The following OR51B5 variants were observed in gnomAD, a reference collection of about 807,000 sequenced individuals.
The protein encoded by OR51B5 is olfactory receptor family 51 subfamily B member 5, also known as olfactory receptor 51B5.
For missense variants in OR51B5, 456 were observed against 374.6 expected, an observed-to-expected ratio of 1.22 and a Z score of -1.79; for synonymous variants, 186 against 144.8, an observed-to-expected ratio of 1.28 and a Z score of -2.04.
intron 1 of OR51B5, among the ~76,000 whole-genome samples, chr11:5,401,528 C>T (rs189154015): frequency 3.7e-4 from 56 of 152,314 alleles, no homozygotes; most frequent in Non-Finnish European, 7.2e-4. Flanking sequence ...CTGGCCACTG[C>T]CACTATCTCA....
chr11:5,498,048 T>C (rs968321633), intron 1 of OR51B5, among the ~76,000 whole-genome samples: 4 of 152,202 alleles, frequency 2.6e-5, no homozygotes, highest in African/African-American at 9.7e-5. Flanking sequence ...CATTATGTTT[T>C]GGGTTTTAAA....
intron 1 of OR51B5, among the ~76,000 whole-genome samples, chr11:5,415,203 A>G (rs1184722514): frequency 2.6e-5 from 4 of 151,996 alleles, no homozygotes; most frequent in East Asian, 1.9e-4. Flanking sequence ...TGAAGGCAGA[A>G]ATAAAGATTT....
chr11:5,463,820 A>G (rs954008026), intron 1 of OR51B5, among the ~76,000 whole-genome samples: 3 of 152,202 alleles, frequency 2.0e-5, no homozygotes, highest in Non-Finnish European at 4.4e-5. Context: ...GGATATGTCA[A>G]CATATCCTGA....
chr11:5,424,313 T>C (rs1850407614), intron 1 of OR51B5, among the ~76,000 whole-genome samples: 1 of 152,052 alleles, frequency 6.6e-6, no homozygotes, highest in South Asian at 2.1e-4. Flanking sequence ...AAATGAAAGT[T>C]ATTCGGGGAA....
intron 1 of OR51B5, among the ~76,000 whole-genome samples, chr11:5,396,321 C>A (rs184615515): frequency 2.6e-5 from 4 of 152,298 alleles, no homozygotes; most frequent in Admixed American, 2.6e-4. Context: ...CTAGAAAACC[C>A]CATTGTCTCA....
intron 1 of OR51B5, among the ~76,000 whole-genome samples, chr11:5,375,265 T>C (rs1849506880): frequency 6.6e-6 from 1 of 150,650 alleles, no homozygotes; most frequent in Non-Finnish European, 1.5e-5. Flanking sequence ...ATAAAATACT[T>C]TACAGACAAG....
intron 1 of OR51B5, among the ~76,000 whole-genome samples, chr11:5,500,087 A>C (rs1050544023): frequency 3.3e-5 from 5 of 152,202 alleles, no homozygotes; most frequent in African/African-American, 4.8e-5. Flanking sequence ...CATTTTGCAA[A>C]GGACACAGTG....
At chr11:5,490,388 A>C (rs940969281) in intron 1 of OR51B5, among the ~76,000 whole-genome samples, 18 of 152,216 alleles carry the variant, frequency 1.2e-4, no homozygotes, top group African/African-American at 3.9e-4. Context: ...CAATTCTATA[A>C]TATTTTTAAA....
chr11:5,482,201 G>A (rs71488575), intron 1 of OR51B5, among the ~76,000 whole-genome samples: 12,133 of 94,478 alleles, frequency 0.13, 1,867 homozygotes, highest in Admixed American at 0.18. Flanking sequence ...AAATAATGCC[G>A]CATATCTACA....
chr11:5,489,555 C>G (rs1851551597), intron 1 of OR51B5: 1 of 1,614,050 alleles, frequency 6.2e-7, no homozygotes, highest in South Asian at 1.1e-5. Flanking sequence ...TGGCTAATCT[C>G]TATGTGCTGG....
intron 1 of OR51B5, among the ~76,000 whole-genome samples, chr11:5,372,186 T>C (rs1480756980): frequency 1.3e-5 from 2 of 152,212 alleles, no homozygotes; most frequent in Non-Finnish European, 2.9e-5. Flanking sequence ...ACCACTTAGA[T>C]TGTTTCCATG....
At chr11:5,479,329 C>T (rs2133806954) in intron 1 of OR51B5, among the ~76,000 whole-genome samples, 1 of 151,520 alleles carries the variant, frequency 6.6e-6, no homozygotes, top group Non-Finnish European at 1.5e-5. Context: ...TTTGTCACCA[C>T]CAGGTCTGCC....
At chr11:5,495,090 T>C (rs1387047020) in intron 1 of OR51B5, among the ~76,000 whole-genome samples, 1 of 152,148 alleles carries the variant, frequency 6.6e-6, no homozygotes, top group Non-Finnish European at 1.5e-5. Flanking sequence ...TAAACAAGAA[T>C]ACCTTTGTGG....
chr11:5,357,496 A>G (rs1343782963), intron 1 of OR51B5, among the ~76,000 whole-genome samples: 2 of 152,144 alleles, frequency 1.3e-5, no homozygotes, highest in African/African-American at 4.8e-5. Flanking sequence ...GAGACCTACA[A>G]AGAGACTTAG....
chr11:5,473,353 T>A (rs1851257537), intron 1 of OR51B5, among the ~76,000 whole-genome samples: 1 of 152,182 alleles, frequency 6.6e-6, no homozygotes, highest in Non-Finnish European at 1.5e-5. Flanking sequence ...CCATCTTGTA[T>A]CACATTCAAC....
rs965388587 is a variant in OR51B5, at chr11:5,453,838, C to T, written n.84+51731G>A. 2.5e-6 allele frequency: 4 copies of T among 1,614,086 alleles called. No homozygotes were observed. In the African/African-American group the frequency reaches 4.0e-5, roughly 16 times the overall value. On this transcript the variant is annotated intron_variant and non_coding_transcript_variant, in intron 1 of 4. Transcript: ENST00000415970. ...ATGATGGAATCAGGTATTCTGCTGG[C>T]CATGAGTTTTGACCGCTATGTGGCC...
chr11:5,360,597 T>A (rs1849268451), intron 1 of OR51B5, among the ~76,000 whole-genome samples: 1 of 152,086 alleles, frequency 6.6e-6, no homozygotes, highest in African/African-American at 2.4e-5. Context: ...TCCTCAGGGA[T>A]CTAGAACTAG....
At chr11:5,372,654 G>C (rs1849463862) in intron 1 of OR51B5, among the ~76,000 whole-genome samples, 1 of 151,976 alleles carries the variant, frequency 6.6e-6, no homozygotes, top group Admixed American at 6.6e-5. Context: ...TATATATTTT[G>C]GGTATTAGAC....
At chr11:5,385,885 C>T (rs1849686091) in intron 1 of OR51B5, among the ~76,000 whole-genome samples, 1 of 148,796 alleles carries the variant, frequency 6.7e-6, no homozygotes, top group South Asian at 2.1e-4. Context: ...TAAATCTATA[C>T]ACTTATATGT....
Sources: gnomAD v4.1 joint callset for allele counts (sites outside exome capture counted in the v4.1 genomes callset) on GRCh38, gnomAD v4.1.1 for gene constraint, MANE v1.5 for transcripts, NCBI Gene and HGNC (gene_info 2026-07-23, HGNC 2026-07-21) for gene names.